DDX4: variants seen among roughly 807,000 people sequenced by gnomAD.
The protein encoded by DDX4 is probable ATP-dependent RNA helicase DDX4.
DDX4 carries 25 observed loss-of-function variants against 100.0 expected under a neutral mutation model. The ratio of observed to expected loss-of-function variants is 0.25; its 90% CI spans 0.18 to 0.35. The LOEUF is 0.35. Ranked by LOEUF, DDX4 falls within the 10% of genes least tolerant of loss-of-function variation. The pLI is 1.00. For missense variants in DDX4, 635 were observed against 882.4 expected (o/e 0.72, Z 3.55); for synonymous variants, 259 against 275.7 (o/e 0.94, Z 0.60).
At chr5:55,745,034 C>T (rs2111590555) in intron 2 of DDX4, among the ~76,000 whole-genome samples, 1 of 152,208 alleles carries the variant, frequency 6.6e-6, no homozygotes, top group Admixed American at 6.5e-5. Context: ...GCGCCCATCA[C>T]CATGCCAGGC....
Position 55,805,638 on chromosome 5 carries a change from A to G in DDX4, c.1615+7067A>G, listed in dbSNP as rs1171455527. On this transcript the variant is annotated intron_variant, in intron 18 of 21. Coordinates refer to ENST00000505374, the MANE Select transcript of DDX4 (RefSeq NM_024415.3). ...TGCTGGATTACATTTATTGATTTGC[A>G]TACATTGAACCAGCCTTGCATCCCA... 1.2e-4 allele frequency among the ~76,000 whole-genome samples: 18 copies of G among 152,276 alleles called. No individual in the cohort carries two copies. In the South Asian group the frequency reaches 3.1e-3, roughly 26 times the overall value.
At position 55,785,362 on chromosome 5, in the gene DDX4, A is replaced by G. The variant is rs922214074; in HGVS notation, c.673+18A>G. 5.0e-6 allele frequency: 8 copies of G among 1,600,648 alleles called. No individual in the cohort carries two copies. The highest frequency in any genetic ancestry group is 6.8e-6 in the Non-Finnish European group (8 of 1,169,342). ...TGGAAAGAGTAAGTTTTCCTTAAAC[A>G]AGGTGTTTGATTTTTATAGTGAGAG... is the stretch of plus-strand genomic sequence containing the variant. On this transcript the variant is annotated intron_variant, in intron 11 of 21. Transcript: ENST00000505374.
At chr5:55,788,083 A>G in intron 15 of DDX4, 83 bp downstream of exon 15, 1 of 1,197,234 alleles carries the variant, frequency 8.4e-7, no homozygotes, top group Non-Finnish European at 1.2e-6. Flanking sequence ...ACTCAGTAAT[A>G]ATGCACTCAT....
chr5:55,760,117 A>G (rs1239200056), intron 3 of DDX4, 83 bp from the exon 4 acceptor site: 25 of 1,442,670 alleles, frequency 1.7e-5, no homozygotes, highest in Non-Finnish European at 2.3e-5. Context: ...CTCCTTTGCC[A>G]CATGTGGCAC....
At chr5:55,774,539 A>G (rs1441684790) in intron 7 of DDX4, among the ~76,000 whole-genome samples, 3 of 152,158 alleles carry the variant, frequency 2.0e-5, no homozygotes, top group Non-Finnish European at 2.9e-5. Context: ...TTTTTATCAA[A>G]CCCAGTTTAT....
At chr5:55,766,561 A>T (rs975248323) in intron 6 of DDX4, among the ~76,000 whole-genome samples, 5 of 152,090 alleles carry the variant, frequency 3.3e-5, no homozygotes, top group African/African-American at 9.6e-5. Flanking sequence ...TGCCTTCCAG[A>T]AAGTTGTCTT....
At chr5:55,800,416 C>T (rs1469311250) in intron 18 of DDX4, among the ~76,000 whole-genome samples, 2 of 151,652 alleles carry the variant, frequency 1.3e-5, no homozygotes, top group Non-Finnish European at 2.9e-5. Flanking sequence ...CTCTGCCTCC[C>T]GGGTTCACGC....
At chr5:55,759,245 A>G (rs1413357055) in intron 3 of DDX4, among the ~76,000 whole-genome samples, 3 of 151,922 alleles carry the variant, frequency 2.0e-5, no homozygotes. Flanking sequence ...TGAGATGGCT[A>G]TTAAGCTTAT....
intron 1 of DDX4, 27 bp downstream of exon 1, chr5:55,738,128 C>G (rs984067719): frequency 2.6e-5 from 4 of 152,324 alleles, no homozygotes; most frequent in Non-Finnish European, 5.9e-5. Flanking sequence ...TCTACGGGAA[C>G]TGGCCTGAAC....
intron 2 of DDX4, among the ~76,000 whole-genome samples, chr5:55,740,649 G>A (rs978573348): frequency 2.7e-5 from 4 of 149,176 alleles, no homozygotes; most frequent in African/African-American, 9.9e-5. Flanking sequence ...GGGACTACAC[G>A]TGTGTGCCAC....
At chr5:55,788,077 A>T in intron 15 of DDX4, 77 bp downstream of exon 15, 1 of 1,277,246 alleles carries the variant, frequency 7.8e-7, no homozygotes, top group Non-Finnish European at 1.1e-6. Context: ...GGAAGAACTC[A>T]GTAATAATGC....
intron 3 of DDX4, among the ~76,000 whole-genome samples, chr5:55,753,281 C>G (rs1416927631): frequency 6.6e-6 from 1 of 152,146 alleles, no homozygotes; most frequent in East Asian, 1.9e-4. Flanking sequence ...CCTAGATTTT[C>G]TTCTAGGGTT....
At chr5:55,796,224 A>G (rs191190238) in intron 17 of DDX4, among the ~76,000 whole-genome samples, 25 of 152,336 alleles carry the variant, frequency 1.6e-4, no homozygotes, top group African/African-American at 6.0e-4. Flanking sequence ...CAGTCTACCA[A>G]CTGAAATGTC....
intron 15 of DDX4, among the ~76,000 whole-genome samples, chr5:55,789,676 T>A (rs1742438885): frequency 6.6e-6 from 1 of 152,076 alleles, no homozygotes; most frequent in Non-Finnish European, 1.5e-5. Flanking sequence ...AAGTGCAGGG[T>A]CCTTTGTTGT....
chr5:55,768,713 C>G (rs2111867643), intron 7 of DDX4, among the ~76,000 whole-genome samples: 1 of 152,274 alleles, frequency 6.6e-6, no homozygotes, highest in African/African-American at 2.4e-5. Flanking sequence ...CACTGTTTTC[C>G]ACAATGGCTG....
chr5:55,745,376 A>C (rs1759196471), intron 2 of DDX4, among the ~76,000 whole-genome samples: 1 of 152,136 alleles, frequency 6.6e-6, no homozygotes. Context: ...GTGTTGATTT[A>C]TTCATGTATT....
At chr5:55,802,246 C>G (rs1336070666) in intron 18 of DDX4, among the ~76,000 whole-genome samples, 5 of 152,054 alleles carry the variant, frequency 3.3e-5, no homozygotes, top group Admixed American at 1.3e-4. Flanking sequence ...GTTAAGAAAT[C>G]TGAATTTGGG....
At chr5:55,739,329 A>G (rs1028498870) in intron 2 of DDX4, among the ~76,000 whole-genome samples, 1 of 152,246 alleles carries the variant, frequency 6.6e-6, no homozygotes, top group Non-Finnish European at 1.5e-5. Context: ...GGTTGATATC[A>G]GTGAAAGACG....
At position 55,785,312 on chromosome 5, in the gene DDX4, T is replaced by C; in HGVS notation, c.641T>C (p.Leu214Ser). 1 of 1,604,166 alleles carries C rather than the reference T, an allele frequency of 6.2e-7. No individual in the cohort carries two copies. The highest frequency in any genetic ancestry group is 8.5e-7 in the Non-Finnish European group (1 of 1,171,510). ...TCTTTAATAGGTGGTTACAAAGGTTTAAATGAAGAAGTAATAACAGGCTCT... is the reference window on the plus strand; with the variant it reads ...TCTTTAATAGGTGGTTACAAAGGTTCAAATGAAGAAGTAATAACAGGCTCT... ...SGSERGGYKGLNEEVITGSGK... is the reference protein window; with the variant it reads ...SGSERGGYKGSNEEVITGSGK... Residue 214 changes from leucine (L) to serine (S), a missense_variant, in exon 11 of 22, where the codon TTA (leucine) becomes TCA (serine). Leu to Ser is a moderately radical substitution (Grantham distance 145). This residue lies in a region of DDX4 where 446 missense variants were observed against 540.8 expected (regional missense o/e 0.82). Transcript: ENST00000505374.
Sources: gnomAD v4.1 joint callset for allele counts (sites outside exome capture counted in the v4.1 genomes callset) on GRCh38, gnomAD v4.1.1 for gene constraint, gnomAD v4.1.1 regional missense constraint, MANE v1.5 for transcripts, NCBI Gene and HGNC (gene_info 2026-07-23, HGNC 2026-07-21) for gene names.